NLGN1: variants seen among roughly 807,000 people sequenced by gnomAD.
The protein encoded by NLGN1 is neuroligin-1.
Under a neutral mutation model 65.5 loss-of-function variants are expected in NLGN1, and 12 were observed. The ratio of observed to expected loss-of-function variants is 0.18; its 90% CI spans 0.12 to 0.30. The LOEUF is 0.30. Ranked by LOEUF, NLGN1 falls within the 10% of genes least tolerant of loss-of-function variation. NLGN1 has a pLI of 1.00. For missense variants in NLGN1, 750 were observed against 1,007.1 expected, an observed-to-expected ratio of 0.74 and a Z score of 3.46; for synonymous variants, 350 against 359.5, an observed-to-expected ratio of 0.97 and a Z score of 0.30.
At chr3:174,082,807 G>C (rs1218595266) in intron 4 of NLGN1, among the ~76,000 whole-genome samples, 2 of 151,660 alleles carry the variant, frequency 1.3e-5, no homozygotes, top group East Asian at 3.9e-4. Context: ...CACAACCTCC[G>C]CCTCCCAGGT....
intron 4 of NLGN1, among the ~76,000 whole-genome samples, chr3:173,940,910 C>T (rs6797156): frequency 0.01 from 1,541 of 152,220 alleles, 15 homozygotes; most frequent in African/African-American, 0.032. Context: ...ACTAACTGTG[C>T]ATTATTTAGT....
rs1385900664 is a variant in NLGN1 at position 173,545,048 on chromosome 3, G to C, written c.-320-59231G>C. 2.7e-5 allele frequency among the ~76,000 whole-genome samples: 4 copies of C among 147,552 alleles called. No individual in the cohort carries two copies. The Admixed American group carries it at 2.7e-4, about 10-fold the overall frequency. ...TAACTCTGCAAAGTTTTGTGTGTGT[G>C]TGTGTGTGGTTGTTTTTTTTGTTTG... On this transcript the variant is annotated intron_variant, in intron 2 of 6. Transcript: ENST00000457714.
chr3:173,733,544 G>C (rs539802712), intron 3 of NLGN1, among the ~76,000 whole-genome samples: 7 of 152,084 alleles, frequency 4.6e-5, no homozygotes, highest in Non-Finnish European at 7.4e-5. Flanking sequence ...GGAAGATACT[G>C]TTCCAGGAGA....
At chr3:174,228,213 G>A (rs980852495) in intron 4 of NLGN1, among the ~76,000 whole-genome samples, 2 of 151,986 alleles carry the variant, frequency 1.3e-5, no homozygotes, top group Non-Finnish European at 2.9e-5. Context: ...GAGGAGCACT[G>A]CTGTTACAAA....
intron 4 of NLGN1, among the ~76,000 whole-genome samples, chr3:174,154,801 GTAGA>G (rs939508046): frequency 5.7e-5 from 8 of 139,450 alleles, no homozygotes; most frequent in Non-Finnish European, 9.0e-5. Flanking sequence ...TATATATGTT[GTAGA>G]TAAAGATATT....
chr3:173,543,244 G>A (rs1739193895), intron 2 of NLGN1, among the ~76,000 whole-genome samples: 1 of 152,106 alleles, frequency 6.6e-6, no homozygotes, highest in African/African-American at 2.4e-5. Context: ...CACAACATAT[G>A]TTCTGATTTT....
At chr3:174,124,831 A>G (rs73046210) in intron 4 of NLGN1, among the ~76,000 whole-genome samples, 146 of 152,104 alleles carry the variant, frequency 9.6e-4, no homozygotes, top group African/African-American at 3.4e-3. Context: ...AGCATGTAAC[A>G]AAAGGACCAA....
At chr3:173,479,330 C>T (rs1178582961) in intron 2 of NLGN1, among the ~76,000 whole-genome samples, 1 of 152,026 alleles carries the variant, frequency 6.6e-6, no homozygotes, top group Non-Finnish European at 1.5e-5. Context: ...AGGGCCACAA[C>T]TGATGTAAAT....
chr3:173,830,062 T>C (rs1390236066), intron 4 of NLGN1, among the ~76,000 whole-genome samples: 1 of 151,966 alleles, frequency 6.6e-6, no homozygotes, highest in Non-Finnish European at 1.5e-5. Context: ...GATTTATCAA[T>C]ATGTTTTCAT....
chr3:173,673,929 T>C (rs973554503), intron 3 of NLGN1, among the ~76,000 whole-genome samples: 25 of 152,228 alleles, frequency 1.6e-4, no homozygotes, highest in Admixed American at 1.6e-3. Flanking sequence ...GGGAGTTAAA[T>C]ACCCTTAGAG....
chr3:174,261,435 CT>C (rs1312404547), intron 4 of NLGN1, among the ~76,000 whole-genome samples: 2 of 148,894 alleles, frequency 1.3e-5, no homozygotes, highest in Non-Finnish European at 3.0e-5. Context: ...GTATTTTATT[CT>C]CTTGGAAGCA....
chr3:174,028,940 T>C (rs1281864061), intron 4 of NLGN1, among the ~76,000 whole-genome samples: 4 of 151,984 alleles, frequency 2.6e-5, no homozygotes, highest in African/African-American at 9.7e-5. Flanking sequence ...CAGCCATGGC[T>C]AAAAGGGGCC....
Position 173,723,621 on chromosome 3 carries a change from T to G in NLGN1, c.494-84059T>G, listed in dbSNP as rs187743163. 8.7e-4 allele frequency among the ~76,000 whole-genome samples: 132 copies of G among 152,324 alleles called. 1 individual carries two copies. Among genetic ancestry groups the G allele is most frequent in the African/African-American group, 3.1e-3 (127 of 41,586 alleles). On this transcript the variant is annotated intron_variant, in intron 3 of 6. Transcript: ENST00000457714. Reference sequence around the variant, plus strand: ...TGATCACTATGTTATAACTGCCACCTGGTTCACGGTGAATATAAGACACTT... The same window carrying G: ...TGATCACTATGTTATAACTGCCACCGGGTTCACGGTGAATATAAGACACTT...
chr3:173,675,887 T>TCTCACA (rs756157881), intron 3 of NLGN1, among the ~76,000 whole-genome samples: 133 of 138,632 alleles, frequency 9.6e-4, no homozygotes, highest in African/African-American at 2.2e-3. Context: ...TCTCTCTCTC[T>TCTCACA]CACACACACA....
At chr3:173,538,121 C>G (rs1043488188) in intron 2 of NLGN1, among the ~76,000 whole-genome samples, 1 of 152,180 alleles carries the variant, frequency 6.6e-6, no homozygotes, top group East Asian at 1.9e-4. Flanking sequence ...GTGACTGGTA[C>G]TACTTCTGTT....
At chr3:173,666,213 A>G (rs1453403518) in intron 3 of NLGN1, among the ~76,000 whole-genome samples, 1 of 152,094 alleles carries the variant, frequency 6.6e-6, no homozygotes, top group Non-Finnish European at 1.5e-5. Context: ...TATAATTTTG[A>G]GTTCCTGATA....
chr3:173,987,046 C>G (rs950146702), intron 4 of NLGN1, among the ~76,000 whole-genome samples: 1 of 152,176 alleles, frequency 6.6e-6, no homozygotes, highest in African/African-American at 2.4e-5. Context: ...TTGAAACCCA[C>G]TTTGTACAGC....
Position 174,041,718 on chromosome 3 carries a change from G to A in NLGN1, c.647-233597G>A, listed in dbSNP as rs185483888. Among the ~76,000 whole-genome samples the A allele has an allele frequency of 5.9e-3, 902 of 152,088 alleles. 6 individuals are homozygous for A. The highest frequency in any genetic ancestry group is 0.051 in the Middle Eastern group (15 of 294). On this transcript the variant is annotated intron_variant, in intron 4 of 6. Coordinates refer to ENST00000457714, the Ensembl canonical transcript of NLGN1. ...TTACTGATTTTGAGCACTTTTTCGTGTGTTTATTGGCCATTTGTATTAATA... is the reference window on the plus strand; with the variant it reads ...TTACTGATTTTGAGCACTTTTTCGTATGTTTATTGGCCATTTGTATTAATA...
At chr3:173,541,166 T>C in intron 2 of NLGN1, among the ~76,000 whole-genome samples, 1 of 152,124 alleles carries the variant, frequency 6.6e-6, no homozygotes, top group East Asian at 1.9e-4. Context: ...ATAAAGAACA[T>C]TATAAAGGCA....
Sources: gnomAD v4.1 joint callset for allele counts (sites outside exome capture counted in the v4.1 genomes callset) on GRCh38, gnomAD v4.1.1 for gene constraint, MANE v1.5 for transcripts, NCBI Gene and HGNC (gene_info 2026-07-23, HGNC 2026-07-21) for gene names.